The following TENM2 variants were observed in gnomAD, a reference collection of about 807,000 sequenced individuals.
TENM2 encodes the protein teneurin transmembrane protein 2, also known as teneurin-2.
TENM2 carries 52 observed loss-of-function variants against 245.2 expected under a neutral mutation model. The ratio of observed to expected loss-of-function variants is 0.21; its 90% CI spans 0.17 to 0.27. The LOEUF (loss-of-function observed/expected upper bound fraction) is 0.27, where lower values mean the gene tolerates loss of function less well. Ranked by LOEUF, TENM2 falls within the 10% of genes least tolerant of loss-of-function variation. The probability of loss-of-function intolerance (pLI) is 1.00; values close to 1 mark genes in which losing one functional copy is unlikely to be tolerated. For missense variants in TENM2, 3,046 were observed against 3,666.8 expected (o/e 0.83, Z 4.37); for synonymous variants, 1,363 against 1,438.9 (o/e 0.95, Z 1.19).
intron 3 of TENM2, among the ~76,000 whole-genome samples, chr5:167,950,697 A>G (rs1169161600): frequency 6.6e-6 from 1 of 152,158 alleles, no homozygotes; most frequent in Admixed American, 6.5e-5. Context: ...TCATTATTAC[A>G]TCATTTCACC....
At chr5:167,678,518 C>T (rs1756487836) in intron 2 of TENM2, among the ~76,000 whole-genome samples, 1 of 152,140 alleles carries the variant, frequency 6.6e-6, no homozygotes. Flanking sequence ...GTGTTTCTGT[C>T]ACAGCACTTG....
At chr5:167,791,798 T>C (rs1764994461) in intron 2 of TENM2, among the ~76,000 whole-genome samples, 1 of 152,052 alleles carries the variant, frequency 6.6e-6, no homozygotes, top group Non-Finnish European at 1.5e-5. Context: ...AGATTTCCAA[T>C]TGCTCTTGAA....
intron 5 of TENM2, among the ~76,000 whole-genome samples, chr5:168,035,193 G>A (rs1054180552): frequency 2.6e-5 from 4 of 152,130 alleles, no homozygotes; most frequent in African/African-American, 9.7e-5. Context: ...CTTATTTCAT[G>A]TGGTTACTAG....
intron 2 of TENM2, among the ~76,000 whole-genome samples, chr5:167,754,279 A>G (rs1025773901): frequency 1.3e-5 from 2 of 152,168 alleles, no homozygotes; most frequent in Non-Finnish European, 2.9e-5. Flanking sequence ...TTTCCAGTAC[A>G]GGAAAGGAAA....
chr5:168,016,730 A>G (rs1785687928), intron 5 of TENM2, among the ~76,000 whole-genome samples: 1 of 152,158 alleles, frequency 6.6e-6, no homozygotes, highest in Non-Finnish European at 1.5e-5. Context: ...AACCTCTGAA[A>G]TCGGATAGAA....
chr5:167,468,188 C>T (rs1283216139), intron 2 of TENM2, among the ~76,000 whole-genome samples: 6 of 152,188 alleles, frequency 3.9e-5, no homozygotes, highest in Admixed American at 2.0e-4. Context: ...TCACCTTCCT[C>T]GACCTCCCAG....
intron 3 of TENM2, among the ~76,000 whole-genome samples, chr5:167,880,093 C>A (rs1464317200): frequency 6.6e-6 from 1 of 152,070 alleles, no homozygotes; most frequent in East Asian, 1.9e-4. Flanking sequence ...GCTGGAGTGG[C>A]GTGATCTTGG....
At chr5:167,410,300 C>A (rs987976634) in intron 2 of TENM2, among the ~76,000 whole-genome samples, 1 of 151,962 alleles carries the variant, frequency 6.6e-6, no homozygotes, top group Non-Finnish European at 1.5e-5. Flanking sequence ...GGCAAATATC[C>A]AAAAACAACA....
intron 13 of TENM2, among the ~76,000 whole-genome samples, chr5:168,164,085 A>G (rs1029132091): frequency 6.6e-6 from 1 of 152,150 alleles, no homozygotes; most frequent in South Asian, 2.1e-4. Context: ...ACTCTTGGTG[A>G]GCTTTTGTTA....
intron 2 of TENM2, among the ~76,000 whole-genome samples, chr5:167,788,398 A>T (rs1252580357): frequency 6.6e-6 from 1 of 152,230 alleles, no homozygotes; most frequent in Non-Finnish European, 1.5e-5. Flanking sequence ...AGATTAATTG[A>T]CAGTAAAGGA....
intron 3 of TENM2, among the ~76,000 whole-genome samples, chr5:167,905,761 C>G (rs554951700): frequency 3.9e-5 from 6 of 152,246 alleles, no homozygotes; most frequent in African/African-American, 1.4e-4. Flanking sequence ...TTCTACAGTT[C>G]TGATTTAGTT....
At chr5:167,007,002 A>G in the TENM2 span, among the ~76,000 whole-genome samples, 1 of 152,166 alleles carries the variant, frequency 6.6e-6, no homozygotes, top group African/African-American at 2.4e-5. This position sits in a 1 kb window ranked among gnomAD's most constrained non-coding sequence, Gnocchi z 4.2. Context: ...ACATTATAAT[A>G]TGCTCCTTTA....
chr5:167,365,280 A>T (rs1021968109), intron 1 of TENM2, among the ~76,000 whole-genome samples: 1 of 152,042 alleles, frequency 6.6e-6, no homozygotes, highest in East Asian at 1.9e-4. Context: ...GGGGGTACAG[A>T]TAAAGAGGAA....
At chr5:167,429,914 AGCTG>A (rs1408366522) in intron 2 of TENM2, among the ~76,000 whole-genome samples, 1 of 152,108 alleles carries the variant, frequency 6.6e-6, no homozygotes, top group African/African-American at 2.4e-5. Flanking sequence ...ACATCATGTA[AGCTG>A]AGAGGAGACT....
intron 2 of TENM2, among the ~76,000 whole-genome samples, chr5:167,844,944 C>T (rs2151174921): frequency 6.6e-6 from 1 of 151,628 alleles, no homozygotes. Context: ...TCTCTAATAT[C>T]CTCCTCCCTC....
intron 12 of TENM2, among the ~76,000 whole-genome samples, chr5:168,155,413 G>T (rs1039121951): frequency 2.1e-5 from 3 of 142,888 alleles, no homozygotes; most frequent in Admixed American, 7.1e-5. Context: ...AGGGGGGGGG[G>T]GTCCATAATT....
the TENM2 span, among the ~76,000 whole-genome samples, chr5:167,155,524 G>C: frequency 1.3e-5 from 2 of 152,136 alleles, no homozygotes; most frequent in African/African-American, 2.4e-5. Flanking sequence ...TCTTGTGCTC[G>C]ATGTAGCGAA....
intron 2 of TENM2, among the ~76,000 whole-genome samples, chr5:167,872,801 A>G (rs1047262275): frequency 6.6e-6 from 1 of 152,244 alleles, no homozygotes; most frequent in Admixed American, 6.5e-5. Context: ...CTGTATTTGT[A>G]TAAATTAAAC....
chr5:167,900,314 A>C (rs1238147628), intron 3 of TENM2, among the ~76,000 whole-genome samples: 2 of 152,136 alleles, frequency 1.3e-5, no homozygotes, highest in Non-Finnish European at 2.9e-5. Context: ...CTTTCCATAC[A>C]TGAAACCACC....
Sources: allele counts gnomAD v4.1 joint callset (sites outside exome capture counted in the v4.1 genomes callset), GRCh38; gene constraint gnomAD v4.1.1; non-coding constraint Gnocchi (gnomAD v3.1); transcripts MANE v1.5; gene names NCBI Gene and HGNC (gene_info 2026-07-23, HGNC 2026-07-21).